LIPC: variants seen among roughly 807,000 people sequenced by gnomAD.
The protein encoded by LIPC is lipase C, hepatic type.
In LIPC, 44 loss-of-function variants were observed where a neutral mutation model predicts 50.7. That is an observed-to-expected ratio of 0.87 (90% confidence interval 0.68 to 1.11). The LOEUF is 1.11. Among genes scored for constraint, LIPC ranks in the 50% most tolerant of loss-of-function variants. LIPC has a pLI of 0.00. For synonymous variants in LIPC, 271 were observed against 256.4 expected (o/e 1.06, Z -0.54); for missense variants, 697 against 648.2 (o/e 1.08, Z -0.82).
chr15:58,503,764 G>A (rs906117536), intron 1 of LIPC, among the ~76,000 whole-genome samples: 9 of 152,186 alleles, frequency 5.9e-5, no homozygotes, highest in African/African-American at 2.2e-4. Context: ...CAGAGCAAGT[G>A]TCTGAGGGCA....
chr15:58,525,385 C>CATAGTCCTTTTTT (rs1892772593), intron 1 of LIPC, among the ~76,000 whole-genome samples: 1 of 152,220 alleles, frequency 6.6e-6, no homozygotes, highest in Admixed American at 6.5e-5. Context: ...AATCTTCCCC[C>CATAGTCCTTTTTT]ATAGTCCTTT....
intron 1 of LIPC, among the ~76,000 whole-genome samples, chr15:58,455,667 G>A (rs1466538662): frequency 6.6e-6 from 1 of 152,100 alleles, no homozygotes; most frequent in Non-Finnish European, 1.5e-5. Context: ...GCCACCATAG[G>A]TTGACTAGTG....
At chr15:58,550,232 T>G (rs1042176377) in intron 6 of LIPC, among the ~76,000 whole-genome samples, 1 of 151,904 alleles carries the variant, frequency 6.6e-6, no homozygotes, top group Non-Finnish European at 1.5e-5. Flanking sequence ...AAGAGAAGGG[T>G]GGGGGAATTG....
intron 1 of LIPC, among the ~76,000 whole-genome samples, chr15:58,470,616 T>C (rs1431752502): frequency 6.8e-6 from 1 of 148,006 alleles, no homozygotes; most frequent in African/African-American, 2.5e-5. Flanking sequence ...TTTTTTTTGG[T>C]AGAGACGAAA....
chr15:58,449,277 T>A (rs761421379), intron 1 of LIPC, among the ~76,000 whole-genome samples: 5 of 152,176 alleles, frequency 3.3e-5, no homozygotes, highest in Non-Finnish European at 5.9e-5. Context: ...AGGACTAAAC[T>A]CTATGCTCAT....
At chr15:58,568,086 A>G (rs1293832154) in intron 8 of LIPC, among the ~76,000 whole-genome samples, 1 of 152,240 alleles carries the variant, frequency 6.6e-6, no homozygotes, top group Non-Finnish European at 1.5e-5. Flanking sequence ...AACAGATGCA[A>G]TTGGAAATAA....
chr15:58,494,899 A>C (rs1025508430), intron 1 of LIPC: 2 of 456,014 alleles, frequency 4.4e-6, no homozygotes, highest in Admixed American at 4.7e-5. Flanking sequence ...TTGATTGACA[A>C]TACAAAATTA....
At chr15:58,549,172 C>G (rs1360453208) in intron 6 of LIPC, among the ~76,000 whole-genome samples, 7 of 152,186 alleles carry the variant, frequency 4.6e-5, no homozygotes, top group Admixed American at 3.9e-4. Context: ...AGGGCTGTGA[C>G]CACGTCTTAG....
intron 8 of LIPC, chr15:58,566,038 A>G (rs1894354613): frequency 2.0e-6 from 2 of 984,132 alleles, no homozygotes; most frequent in Non-Finnish European, 2.4e-6. Flanking sequence ...TCAAACTTTC[A>G]CGAGCATACA....
rs543938069 is a variant in LIPC, at chr15:58,474,914, C to T, written c.88+42794C>T. On this transcript the variant is annotated intron_variant, in intron 1 of 8. Transcript: ENST00000299022. ...CAGAGAGCAACTGCTGCTAGGTCCT[C>T]GTGGATTCTGGGCCTCTGTCCAGTG... Among the ~76,000 whole-genome samples, 9 of 152,316 alleles carry T rather than the reference C, an allele frequency of 5.9e-5. No homozygotes were observed. In the South Asian group the frequency reaches 1.4e-3, roughly 25 times the overall value.
At chr15:58,540,605 G>GCT (rs1893287232) in intron 2 of LIPC, among the ~76,000 whole-genome samples, 1 of 152,122 alleles carries the variant, frequency 6.6e-6, no homozygotes, top group Non-Finnish European at 1.5e-5. Flanking sequence ...CCTCAGGGGA[G>GCT]CTCTCCAGCT....
intron 1 of LIPC, among the ~76,000 whole-genome samples, chr15:58,465,408 C>T (rs555860501): frequency 6.6e-6 from 1 of 152,262 alleles, no homozygotes; most frequent in African/African-American, 2.4e-5. Context: ...TTTTCAAATT[C>T]ACATTTTTAG....
At chr15:58,516,463 T>A (rs1892492901) in intron 1 of LIPC, among the ~76,000 whole-genome samples, 1 of 152,110 alleles carries the variant, frequency 6.6e-6, no homozygotes, top group African/African-American at 2.4e-5. Flanking sequence ...CAATTACATA[T>A]ATATGAGGCC....
At chr15:58,509,852 T>C (rs1340547796) in intron 1 of LIPC, among the ~76,000 whole-genome samples, 2 of 152,154 alleles carry the variant, frequency 1.3e-5, no homozygotes, top group Non-Finnish European at 2.9e-5. Context: ...TCAATGGATA[T>C]CTATTATTAT....
intron 1 of LIPC, among the ~76,000 whole-genome samples, chr15:58,449,120 G>T (rs527378125): frequency 6.6e-6 from 1 of 152,294 alleles, no homozygotes; most frequent in South Asian, 2.1e-4. Flanking sequence ...GTCATGCTGG[G>T]GAGGCTCCAA....
At chr15:58,506,946 C>T (rs947233211) in intron 1 of LIPC, among the ~76,000 whole-genome samples, 4 of 152,348 alleles carry the variant, frequency 2.6e-5, no homozygotes, top group Non-Finnish European at 5.9e-5. Flanking sequence ...CAAACACATC[C>T]TTCCGCAAAT....
intron 2 of LIPC, among the ~76,000 whole-genome samples, chr15:58,541,494 G>C (rs41292504): frequency 2.6e-5 from 4 of 151,628 alleles, no homozygotes; most frequent in African/African-American, 4.9e-5. Flanking sequence ...GGGAGGGGGC[G>C]GGGGGGAACG....
chr15:58,475,979 C>T (rs760818341), intron 1 of LIPC, among the ~76,000 whole-genome samples: 4 of 152,222 alleles, frequency 2.6e-5, no homozygotes, highest in African/African-American at 4.8e-5. Context: ...ACTGAACACA[C>T]GTTAGCAAGA....
intron 2 of LIPC, among the ~76,000 whole-genome samples, chr15:58,540,946 A>G (rs1221276390): frequency 2.0e-5 from 3 of 152,088 alleles, no homozygotes; most frequent in African/African-American, 7.2e-5. Flanking sequence ...GGCTAGAGGC[A>G]TGCACCATCA....
Sources: allele counts gnomAD v4.1 joint callset (sites outside exome capture counted in the v4.1 genomes callset), GRCh38; gene constraint gnomAD v4.1.1; transcripts MANE v1.5; gene names NCBI Gene and HGNC (gene_info 2026-07-23, HGNC 2026-07-21).